The following ENTREP2 variants were observed in gnomAD, a reference collection of about 807,000 sequenced individuals.
ENTREP2 encodes endosomal transmembrane epsin interactor 2.
chr15:29,583,450 G>C, the ENTREP2 span, among the ~76,000 whole-genome samples: 1 of 152,094 alleles, frequency 6.6e-6, no homozygotes, highest in Non-Finnish European at 1.5e-5. Context: ...AGAACACATG[G>C]ACACAGGGAG....
chr15:29,580,266 G>A, the ENTREP2 span, among the ~76,000 whole-genome samples: 1 of 152,026 alleles, frequency 6.6e-6, no homozygotes, highest in East Asian at 1.9e-4. Flanking sequence ...TAAAAGTCAG[G>A]GCAGCAGAAT....
At chr15:29,433,787 A>T in the ENTREP2 span, among the ~76,000 whole-genome samples, 1 of 151,826 alleles carries the variant, frequency 6.6e-6, no homozygotes, top group African/African-American at 2.4e-5. Context: ...ATGGGAAAAA[A>T]AAAAAAAAAA....
At chr15:29,405,217 T>C in the ENTREP2 span, among the ~76,000 whole-genome samples, 1 of 152,058 alleles carries the variant, frequency 6.6e-6, no homozygotes, top group Non-Finnish European at 1.5e-5. Context: ...GGTGAAACCC[T>C]GCCTCTACTA....
At chr15:29,162,121 G>A in the ENTREP2 span, among the ~76,000 whole-genome samples, 13 of 152,286 alleles carry the variant, frequency 8.5e-5, no homozygotes, top group Admixed American at 3.9e-4. Context: ...AGAGTCGAGC[G>A]AAATACAGAA....
the ENTREP2 span, among the ~76,000 whole-genome samples, chr15:29,633,495 T>C: frequency 7.2e-5 from 11 of 151,856 alleles, no homozygotes; most frequent in Admixed American, 6.6e-4. Flanking sequence ...TGGTATGACA[T>C]GGAGTGGAGC....
chr15:29,242,659 C>T, the ENTREP2 span, among the ~76,000 whole-genome samples: 1 of 152,222 alleles, frequency 6.6e-6, no homozygotes. Flanking sequence ...AGGAATGGTG[C>T]CAGGCCCTGG....
At chr15:29,255,680 C>T in the ENTREP2 span, among the ~76,000 whole-genome samples, 1,215 of 152,136 alleles carry the variant, frequency 8.0e-3, 14 homozygotes, top group African/African-American at 0.028. Context: ...TACATATACA[C>T]CATGGAATAC....
the ENTREP2 span, among the ~76,000 whole-genome samples, chr15:29,219,610 CATAAATATATATAT>C: frequency 4.1e-5 from 4 of 97,994 alleles, no homozygotes; most frequent in African/African-American, 2.0e-4. Flanking sequence ...AACTGTGGTG[CATAAATATATATAT>C]ATATATATAT....
chr15:29,570,676 G>A, the ENTREP2 span: 52 of 1,189,222 alleles, frequency 4.4e-5, 1 homozygote, highest in Non-Finnish European at 5.4e-5. Context: ...ACAGGCTGCG[G>A]GGCAGCGCGG....
chr15:29,404,452 C>A, the ENTREP2 span, among the ~76,000 whole-genome samples: 16,386 of 151,852 alleles, frequency 0.11, 1,050 homozygotes, highest in East Asian at 0.3. Flanking sequence ...CTGGTCAGTT[C>A]TGGGTCGCTG....
At chr15:29,159,609 T>C in the ENTREP2 span, among the ~76,000 whole-genome samples, 3 of 152,170 alleles carry the variant, frequency 2.0e-5, no homozygotes, top group Admixed American at 6.5e-5. Context: ...ATTCCTGAGC[T>C]AGACACAAAA....
the ENTREP2 span, chr15:29,196,411 C>G: frequency 9.7e-6 from 15 of 1,548,288 alleles, no homozygotes; most frequent in African/African-American, 1.9e-4. Context: ...CATGCACAAG[C>G]AGCGCCCAGC....
At chr15:29,158,994 C>A in the ENTREP2 span, among the ~76,000 whole-genome samples, 3 of 152,062 alleles carry the variant, frequency 2.0e-5, no homozygotes, top group Non-Finnish European at 4.4e-5. Context: ...AATGTACATA[C>A]ATATAGCCTA....
At chr15:29,490,116 G>A in the ENTREP2 span, among the ~76,000 whole-genome samples, 1 of 152,088 alleles carries the variant, frequency 6.6e-6, no homozygotes, top group Non-Finnish European at 1.5e-5. Context: ...GTGGGTTCTC[G>A]GTCTCACTGA....
At chr15:29,577,956 G>A in the ENTREP2 span, among the ~76,000 whole-genome samples, 1 of 152,296 alleles carries the variant, frequency 6.6e-6, no homozygotes, top group African/African-American at 2.4e-5. Flanking sequence ...TTAGTGTTTG[G>A]TGGGTACAGT....
chr15:29,197,506 A>C, the ENTREP2 span, among the ~76,000 whole-genome samples: 2 of 152,128 alleles, frequency 1.3e-5, no homozygotes. Flanking sequence ...GGTGGCTCAC[A>C]CCTGTAATCC....
chr15:29,444,210 G>GAAAAGA, the ENTREP2 span, among the ~76,000 whole-genome samples: 2 of 145,910 alleles, frequency 1.4e-5, no homozygotes, highest in African/African-American at 5.3e-5. Flanking sequence ...AAGAAAGAAA[G>GAAAAGA]AAAGAAAGAA....
chr15:29,151,105 C>T, the ENTREP2 span, among the ~76,000 whole-genome samples: 20 of 152,260 alleles, frequency 1.3e-4, no homozygotes, highest in South Asian at 3.7e-3. Context: ...ACAGGAAGAG[C>T]GTTCATTATT....
the ENTREP2 span, among the ~76,000 whole-genome samples, chr15:29,538,768 C>T: frequency 6.6e-6 from 1 of 151,550 alleles, no homozygotes; most frequent in Non-Finnish European, 1.5e-5. Context: ...GAGATCATGC[C>T]ACTGCACTCC....
Sources: gnomAD v4.1 joint callset for allele counts (sites outside exome capture counted in the v4.1 genomes callset) on GRCh38, gnomAD v4.1.1 for gene constraint, MANE v1.5 for transcripts, NCBI Gene and HGNC (gene_info 2026-07-23, HGNC 2026-07-21) for gene names.